ZCWPW2: variants seen among roughly 807,000 people sequenced by gnomAD.
The protein encoded by ZCWPW2 is zinc finger CW-type PWWP domain protein 2.
In ZCWPW2, 45 loss-of-function variants were observed where a neutral mutation model predicts 46.6. The observed-to-expected ratio is 0.96, with a 90% CI of 0.76 to 1.24. The LOEUF (loss-of-function observed/expected upper bound fraction) is 1.24. Ranked by LOEUF, ZCWPW2 falls within the 50% of genes most tolerant of loss-of-function variation. The pLI is 0.00. For missense variants in ZCWPW2, 429 were observed against 403.9 expected, an observed-to-expected ratio of 1.06 and a Z score of -0.53; for synonymous variants, 152 against 137.1, an observed-to-expected ratio of 1.11 and a Z score of -0.76.
intron 4 of ZCWPW2, among the ~76,000 whole-genome samples, chr3:28,453,868 G>A (rs901785334): frequency 7.6e-5 from 11 of 144,330 alleles, no homozygotes; most frequent in Non-Finnish European, 1.1e-4. Context: ...TTTTTGAGAC[G>A]GAGTCTCGCT....
At chr3:28,431,854 G>A (rs1405276435) in intron 3 of ZCWPW2, among the ~76,000 whole-genome samples, 27 of 152,120 alleles carry the variant, frequency 1.8e-4, no homozygotes, top group Non-Finnish European at 1.6e-4. Context: ...AAAGAAAAGA[G>A]GTTTAATTGA....
chr3:28,422,906 G>A (rs1425646144), intron 3 of ZCWPW2, among the ~76,000 whole-genome samples: 1 of 152,190 alleles, frequency 6.6e-6, no homozygotes, highest in African/African-American at 2.4e-5. Context: ...TCTAATAGGT[G>A]TGTAGTGGTA....
chr3:28,423,888 C>T (rs1419099311), intron 3 of ZCWPW2, among the ~76,000 whole-genome samples: 2 of 151,968 alleles, frequency 1.3e-5, no homozygotes, highest in African/African-American at 2.4e-5. Context: ...TTATATGGAT[C>T]ATATAATTTT....
At chr3:28,434,391 A>C (rs1169036309) in intron 3 of ZCWPW2, among the ~76,000 whole-genome samples, 1 of 152,240 alleles carries the variant, frequency 6.6e-6, no homozygotes, top group Non-Finnish European at 1.5e-5. Context: ...AATGGGTAAA[A>C]GTGGGAAATG....
intron 1 of ZCWPW2, among the ~76,000 whole-genome samples, chr3:28,389,709 G>C (rs1405177114): frequency 6.6e-6 from 1 of 152,148 alleles, no homozygotes; most frequent in Non-Finnish European, 1.5e-5. Context: ...AATAGGACAT[G>C]ATATATTTAT....
At chr3:28,368,860 T>G (rs1259263481) in intron 1 of ZCWPW2, among the ~76,000 whole-genome samples, 1 of 152,194 alleles carries the variant, frequency 6.6e-6, no homozygotes, top group African/African-American at 2.4e-5. Context: ...GTTCATTTCT[T>G]TTTATTCTTT....
intron 3 of ZCWPW2, among the ~76,000 whole-genome samples, chr3:28,426,306 GA>G (rs1307299979): frequency 6.6e-6 from 1 of 150,984 alleles, no homozygotes; most frequent in Non-Finnish European, 1.5e-5. Flanking sequence ...ACTCTTTAGA[GA>G]AAAAAAATGG....
At chr3:28,508,912 TA>T (rs1442251011) in intron 6 of ZCWPW2, among the ~76,000 whole-genome samples, 1 of 152,156 alleles carries the variant, frequency 6.6e-6, no homozygotes, top group Admixed American at 6.6e-5. Flanking sequence ...CATTTTTTTT[TA>T]AATGTACAAT....
Position 28,350,894 on chromosome 3 carries a change from T to C in ZCWPW2, c.-134+1691T>C, listed in dbSNP as rs115488228. Among the ~76,000 whole-genome samples, 1,062 of 152,002 alleles carry C rather than the reference T, an allele frequency of 7.0e-3. 38 individuals carry two copies. Among genetic ancestry groups the C allele is most frequent in the African/African-American group, 0.023 (965 of 41,298 alleles). ...AGGGGTCCTGAATGATAATCTTAACTGATAGCCAACTAGTTCAGTGAGTGG... is the reference window on the plus strand; with the variant it reads ...AGGGGTCCTGAATGATAATCTTAACCGATAGCCAACTAGTTCAGTGAGTGG... On this transcript the variant is annotated intron_variant, in intron 1 of 9. Coordinates refer to ENST00000383768, the MANE Select transcript of ZCWPW2 (RefSeq NM_001040432.4).
chr3:28,372,225 GA>G (rs1210874398), intron 1 of ZCWPW2, among the ~76,000 whole-genome samples: 3 of 152,098 alleles, frequency 2.0e-5, no homozygotes, highest in Non-Finnish European at 2.9e-5. Flanking sequence ...CAATAATTAT[GA>G]AGATTGTTGG....
At chr3:28,461,513 A>G (rs1490480797) in intron 4 of ZCWPW2, 1 of 152,006 alleles carries the variant, frequency 6.6e-6, no homozygotes, top group African/African-American at 2.4e-5. Context: ...ATGTTTATAA[A>G]TTTTTCTTTT....
At chr3:28,472,527 AG>A (rs1411514819) in intron 4 of ZCWPW2, among the ~76,000 whole-genome samples, 2 of 152,212 alleles carry the variant, frequency 1.3e-5, no homozygotes, top group Admixed American at 1.3e-4. Context: ...CATATGCAGA[AG>A]AAAAACTAGA....
At chr3:28,517,783 A>T (rs1700612717) in intron 8 of ZCWPW2, among the ~76,000 whole-genome samples, 1 of 152,184 alleles carries the variant, frequency 6.6e-6, no homozygotes, top group Admixed American at 6.5e-5. Context: ...ACTGTGAGTT[A>T]TTTCTTATCA....
Position 28,526,184 on chromosome 3 carries a change from C to T in ZCWPW2, c.*1496C>T, listed in dbSNP as rs1400169784. ...AAATCAATTTGATCTTCTGTTTACTCTTTGCAAAGAGAACCAAGTATGTGT... is the reference window on the plus strand; with the variant it reads ...AAATCAATTTGATCTTCTGTTTACTTTTTGCAAAGAGAACCAAGTATGTGT... On this transcript the variant is annotated 3_prime_UTR_variant, in exon 10 of 10. Coordinates refer to ENST00000383768, the MANE Select transcript of ZCWPW2 (RefSeq NM_001040432.4). Among the ~76,000 whole-genome samples the T allele has an allele frequency of 6.6e-6, 1 of 152,128 alleles. No homozygotes were observed. Among genetic ancestry groups the T allele is most frequent in the Non-Finnish European group, 1.5e-5 (1 of 68,018 alleles).
At chr3:28,358,952 C>G (rs865808175) in intron 1 of ZCWPW2, among the ~76,000 whole-genome samples, 4 of 152,010 alleles carry the variant, frequency 2.6e-5, no homozygotes, top group African/African-American at 9.7e-5. Flanking sequence ...GTACAAATAG[C>G]TGTGCTAGAT....
At chr3:28,461,618 C>T (rs1698640404) in intron 4 of ZCWPW2, 1 of 151,938 alleles carries the variant, frequency 6.6e-6, no homozygotes, top group Admixed American at 6.6e-5. Context: ...TTTTTCATGC[C>T]ACCTTGAACG....
intron 1 of ZCWPW2, among the ~76,000 whole-genome samples, chr3:28,359,454 T>G (rs900111392): frequency 6.6e-6 from 1 of 152,014 alleles, no homozygotes; most frequent in Non-Finnish European, 1.5e-5. Context: ...TTGACAAAAA[T>G]AGGCATGAGA....
At chr3:28,428,975 A>G (rs1413434876) in intron 3 of ZCWPW2, among the ~76,000 whole-genome samples, 4 of 152,330 alleles carry the variant, frequency 2.6e-5, no homozygotes, top group Non-Finnish European at 5.9e-5. Context: ...TCATAGCAGC[A>G]TGACAACAGA....
At chr3:28,437,877 T>G (rs2125766690) in intron 4 of ZCWPW2, among the ~76,000 whole-genome samples, 2 of 152,336 alleles carry the variant, frequency 1.3e-5, no homozygotes, top group South Asian at 4.1e-4. Context: ...ACCATGAATA[T>G]GTCTCTCCAC....
Sources: allele counts gnomAD v4.1 joint callset (sites outside exome capture counted in the v4.1 genomes callset), GRCh38; gene constraint gnomAD v4.1.1; transcripts MANE v1.5; gene names NCBI Gene and HGNC (gene_info 2026-07-23, HGNC 2026-07-21).